ATG10: variants seen among roughly 807,000 people sequenced by gnomAD.
ATG10 encodes ubiquitin-like-conjugating enzyme ATG10.
ATG10 carries 30 observed loss-of-function variants against 32.1 expected under a neutral mutation model. The ratio of observed to expected loss-of-function variants is 0.94; its 90% CI spans 0.70 to 1.27. ATG10 has a LOEUF of 1.27. Ranked by LOEUF, ATG10 falls within the 50% of genes most tolerant of loss-of-function variation. ATG10 has a pLI of 0.00. For synonymous variants in ATG10, 87 were observed against 91.5 expected, an observed-to-expected ratio of 0.95 and a Z score of 0.28; for missense variants, 233 against 262.3, an observed-to-expected ratio of 0.89 and a Z score of 0.77.
At chr5:82,179,992 G>A (rs982729231) in intron 5 of ATG10, among the ~76,000 whole-genome samples, 4 of 151,886 alleles carry the variant, frequency 2.6e-5, no homozygotes, top group East Asian at 1.9e-4. Context: ...CTGACCTCAC[G>A]TGGAACAATT....
At chr5:82,238,157 GA>G (rs1374298354) in intron 5 of ATG10, among the ~76,000 whole-genome samples, 1 of 152,056 alleles carries the variant, frequency 6.6e-6, no homozygotes, top group Non-Finnish European at 1.5e-5. Flanking sequence ...ATTGTCCTTG[GA>G]ACACCCTCCA....
chr5:82,000,339 C>T (rs114131507), intron 2 of ATG10, among the ~76,000 whole-genome samples: 1,990 of 152,154 alleles, frequency 0.013, 32 homozygotes, highest in African/African-American at 0.045. Flanking sequence ...GAGCCATCTA[C>T]GACAAACCCA....
At chr5:82,207,297 G>T (rs1284002674) in intron 5 of ATG10, among the ~76,000 whole-genome samples, 3 of 152,112 alleles carry the variant, frequency 2.0e-5, no homozygotes, top group African/African-American at 7.2e-5. Context: ...AGGAATTTCA[G>T]TTGCTCCATG....
chr5:82,096,346 A>G (rs1239297219), intron 3 of ATG10, among the ~76,000 whole-genome samples: 1 of 152,216 alleles, frequency 6.6e-6, no homozygotes, highest in Non-Finnish European at 1.5e-5. Flanking sequence ...TAGCTCTTGT[A>G]AGTCTCACAG....
intron 3 of ATG10, among the ~76,000 whole-genome samples, chr5:82,137,943 GAGGT>G (rs1766833771): frequency 6.6e-6 from 1 of 152,324 alleles, no homozygotes; most frequent in South Asian, 2.1e-4. Flanking sequence ...GGAATCCAGA[GAGGT>G]AGTCTGGCTA....
intron 2 of ATG10, among the ~76,000 whole-genome samples, chr5:82,021,560 T>A (rs1252761926): frequency 6.6e-6 from 1 of 152,250 alleles, no homozygotes. Context: ...AAAAAAAGTC[T>A]GTACATGTTC....
chr5:82,206,536 G>T (rs1265443637), intron 5 of ATG10, among the ~76,000 whole-genome samples: 1 of 151,922 alleles, frequency 6.6e-6, no homozygotes, highest in Admixed American at 6.6e-5. Flanking sequence ...TGTGGTCCCA[G>T]CTACTAGGGA....
intron 1 of ATG10, among the ~76,000 whole-genome samples, chr5:81,980,440 TC>T (rs987562138): frequency 1.2e-4 from 19 of 152,124 alleles, no homozygotes; most frequent in Non-Finnish European, 1.0e-4. Flanking sequence ...GACCAAGTGT[TC>T]CTTCGTCTCT....
chr5:82,037,699 A>C (rs1274738170), intron 2 of ATG10, among the ~76,000 whole-genome samples: 5 of 152,106 alleles, frequency 3.3e-5, no homozygotes, highest in Non-Finnish European at 5.9e-5. Context: ...AATGTCTTAT[A>C]GGTTTTTTCA....
intron 5 of ATG10, among the ~76,000 whole-genome samples, chr5:82,210,384 T>G (rs879897334): frequency 7.2e-5 from 11 of 152,212 alleles, no homozygotes; most frequent in Non-Finnish European, 1.5e-4. Context: ...AAGTTGGGTT[T>G]CAGTCCCTAT....
intron 3 of ATG10, among the ~76,000 whole-genome samples, chr5:82,139,975 CAGGG>C (rs1767010202): frequency 7.8e-6 from 1 of 128,238 alleles, no homozygotes; most frequent in Non-Finnish European, 1.7e-5. Flanking sequence ...GCCGCCCCGT[CAGGG>C]AGGTGAGGGG....
At chr5:82,061,117 G>T (rs1763755610) in intron 3 of ATG10, among the ~76,000 whole-genome samples, 1 of 152,078 alleles carries the variant, frequency 6.6e-6, no homozygotes, top group Non-Finnish European at 1.5e-5. Flanking sequence ...TACTGCTGTA[G>T]CTCTGGTAGG....
chr5:82,091,810 T>C (rs1182588187), intron 3 of ATG10, among the ~76,000 whole-genome samples: 1 of 152,208 alleles, frequency 6.6e-6, no homozygotes, highest in Admixed American at 6.5e-5. Context: ...GTTGGATAAA[T>C]GCTGACTTAA....
chr5:82,113,334 A>C (rs564321406), intron 3 of ATG10, among the ~76,000 whole-genome samples: 1 of 152,136 alleles, frequency 6.6e-6, no homozygotes, highest in South Asian at 2.1e-4. Flanking sequence ...GCTAAGAAGC[A>C]ATGCAGAGAA....
chr5:81,973,238 T>C, intron 1 of ATG10: 1 of 152,338 alleles, frequency 6.6e-6, no homozygotes, highest in East Asian at 1.9e-4. Flanking sequence ...AAAGCAATTC[T>C]CCTGCCTCAG....
At chr5:82,133,429 G>C (rs1766619129) in intron 3 of ATG10, among the ~76,000 whole-genome samples, 1 of 152,208 alleles carries the variant, frequency 6.6e-6, no homozygotes, top group Middle Eastern at 3.4e-3. Flanking sequence ...TCCAGTTTCA[G>C]TTTTCTGCAT....
At chr5:82,080,954 G>T (rs767248774) in intron 3 of ATG10, among the ~76,000 whole-genome samples, 1 of 152,188 alleles carries the variant, frequency 6.6e-6, no homozygotes, top group Non-Finnish European at 1.5e-5. Context: ...ACCTTGGGCA[G>T]TATGGCCATT....
chr5:82,172,459 T>C (rs1417328994), intron 4 of ATG10, among the ~76,000 whole-genome samples: 1 of 152,178 alleles, frequency 6.6e-6, no homozygotes. Context: ...ATCCTGAGCT[T>C]ATATTGGAAA....
At chr5:82,241,430 A>T (rs1746797843) in intron 5 of ATG10, among the ~76,000 whole-genome samples, 1 of 152,136 alleles carries the variant, frequency 6.6e-6, no homozygotes, top group Non-Finnish European at 1.5e-5. Flanking sequence ...AACTCTCCCC[A>T]TCACACTCAG....
Sources: allele counts gnomAD v4.1 joint callset (sites outside exome capture counted in the v4.1 genomes callset), GRCh38; gene constraint gnomAD v4.1.1; transcripts MANE v1.5; gene names NCBI Gene and HGNC (gene_info 2026-07-23, HGNC 2026-07-21).